NRG3: variants seen among roughly 807,000 people sequenced by gnomAD.
NRG3 encodes the protein pro-neuregulin-3, membrane-bound isoform.
In NRG3, 31 loss-of-function variants were observed where a neutral mutation model predicts 66.9. That is an observed-to-expected ratio of 0.46 (90% confidence interval 0.35 to 0.63). The LOEUF (loss-of-function observed/expected upper bound fraction) is 0.63. Among genes scored for constraint, NRG3 ranks in the 20% least tolerant of loss-of-function variants. NRG3 has a pLI of 0.00. For missense variants in NRG3, 910 were observed against 878.9 expected (o/e 1.04, Z -0.45); for synonymous variants, 393 against 359.4 (o/e 1.09, Z -1.06).
chr10:81,987,670 T>C (rs983629969), intron 1 of NRG3, among the ~76,000 whole-genome samples: 24 of 152,172 alleles, frequency 1.6e-4, no homozygotes, highest in Admixed American at 1.4e-3. Flanking sequence ...ACTGGTAAAA[T>C]GATATATGAG....
At chr10:82,925,287 A>T (rs529021093) in intron 4 of NRG3, among the ~76,000 whole-genome samples, 2 of 152,330 alleles carry the variant, frequency 1.3e-5, no homozygotes, top group African/African-American at 4.8e-5. Flanking sequence ...CAACAATGAC[A>T]TGTGGTGGTT....
intron 1 of NRG3, among the ~76,000 whole-genome samples, chr10:82,337,329 C>T (rs868225864): frequency 2.6e-5 from 4 of 152,188 alleles, no homozygotes; most frequent in African/African-American, 9.7e-5. Context: ...CTGTAGCATG[C>T]ATCAGTAAAT....
chr10:82,904,436 A>G (rs1311849945), intron 4 of NRG3, among the ~76,000 whole-genome samples: 1 of 152,176 alleles, frequency 6.6e-6, no homozygotes, highest in Non-Finnish European at 1.5e-5. Context: ...AAAATGAGAC[A>G]TGGAGGATGA....
intron 1 of NRG3, among the ~76,000 whole-genome samples, chr10:82,213,253 G>A (rs185725429): frequency 6.6e-6 from 1 of 152,242 alleles, no homozygotes; most frequent in East Asian, 1.9e-4. Flanking sequence ...ATAAAATACA[G>A]GTTGAACATC....
At chr10:82,883,228 G>A (rs1014942257) in intron 4 of NRG3, among the ~76,000 whole-genome samples, 5 of 151,742 alleles carry the variant, frequency 3.3e-5, no homozygotes, top group Middle Eastern at 3.4e-3. Context: ...CAAACACTAT[G>A]TATTTACAGG....
intron 2 of NRG3, among the ~76,000 whole-genome samples, chr10:82,714,582 G>C (rs1308038895): frequency 7.9e-5 from 12 of 151,984 alleles, no homozygotes; most frequent in Admixed American, 6.6e-5. Flanking sequence ...AATTACCTTT[G>C]GTTTTCCCTG....
chr10:82,064,796 A>G (rs187579925), intron 1 of NRG3, among the ~76,000 whole-genome samples: 53 of 152,272 alleles, frequency 3.5e-4, no homozygotes, highest in African/African-American at 1.1e-3. Flanking sequence ...CCTCTCCTGA[A>G]AGTTTGCTGA....
intron 2 of NRG3, among the ~76,000 whole-genome samples, chr10:82,513,159 A>G (rs1393543934): frequency 2.6e-5 from 4 of 152,144 alleles, no homozygotes; most frequent in Non-Finnish European, 4.4e-5. Context: ...CCCTATGTCC[A>G]TATGTTCTCA....
At chr10:82,895,781 G>A (rs113398575) in intron 4 of NRG3, among the ~76,000 whole-genome samples, 2,321 of 152,192 alleles carry the variant, frequency 0.015, 49 homozygotes, top group African/African-American at 0.048. Context: ...GTGAGCCACC[G>A]CGCCCTACCA....
At chr10:81,992,978 A>G (rs956059835) in intron 1 of NRG3, among the ~76,000 whole-genome samples, 13 of 152,176 alleles carry the variant, frequency 8.5e-5, no homozygotes, top group Non-Finnish European at 1.2e-4. Context: ...AAATTACTTT[A>G]TCATGTGTTT....
intron 2 of NRG3, among the ~76,000 whole-genome samples, chr10:82,491,272 C>T (rs1183816775): frequency 1.8e-5 from 1 of 55,730 alleles, no homozygotes; most frequent in African/African-American, 4.3e-5. Flanking sequence ...CCTCCTGATT[C>T]TGCCTATGCT....
In NRG3 at chr10:82,160,822, A is replaced by G. The variant is rs552321627; in HGVS notation, c.824-197917A>G. ...AACAAGTTCAGCATGTGATCTAAGT[A>G]CTGGCACATGAATGAACAGCAAGGC... On this transcript the variant is annotated intron_variant, in intron 1 of 8. Transcript: ENST00000372141. Among the ~76,000 whole-genome samples the G allele has an allele frequency of 4.6e-4, 70 of 152,176 alleles. 2 individuals carry two copies. The South Asian group carries it at 0.014, about 31-fold the overall frequency.
intron 1 of NRG3, among the ~76,000 whole-genome samples, chr10:82,285,396 C>T (rs2079362857): frequency 6.6e-6 from 1 of 152,080 alleles, no homozygotes; most frequent in African/African-American, 2.4e-5. Context: ...ATTGCACCAG[C>T]CATTAACCAA....
At chr10:82,540,014 T>C (rs1204358113) in intron 2 of NRG3, among the ~76,000 whole-genome samples, 1 of 152,210 alleles carries the variant, frequency 6.6e-6, no homozygotes, top group African/African-American at 2.4e-5. Flanking sequence ...AGAGAAACTT[T>C]GAAAACATCT....
At chr10:82,448,500 A>G (rs1487375289) in intron 2 of NRG3, among the ~76,000 whole-genome samples, 1 of 152,192 alleles carries the variant, frequency 6.6e-6, no homozygotes, top group Non-Finnish European at 1.5e-5. Context: ...TCAAGGGCTC[A>G]TATCTTATTA....
At chr10:81,974,264 T>C (rs1046599511) in intron 1 of NRG3, among the ~76,000 whole-genome samples, 2 of 152,124 alleles carry the variant, frequency 1.3e-5, no homozygotes, top group Admixed American at 6.6e-5. Flanking sequence ...TCCATTGATC[T>C]ATGTGTCTCT....
At chr10:82,160,291 G>A (rs892666256) in intron 1 of NRG3, among the ~76,000 whole-genome samples, 4 of 151,912 alleles carry the variant, frequency 2.6e-5, no homozygotes, top group African/African-American at 9.7e-5. Context: ...GTCTGCTAAT[G>A]GCTTGGCAGA....
At chr10:81,964,460 C>G (rs2059654631) in intron 1 of NRG3, among the ~76,000 whole-genome samples, 1 of 149,470 alleles carries the variant, frequency 6.7e-6, no homozygotes, top group East Asian at 2.0e-4. Flanking sequence ...ATAAAAACAT[C>G]TGCAACAAAT....
chr10:82,188,066 A>G (rs545775257), intron 1 of NRG3, among the ~76,000 whole-genome samples: 1 of 152,316 alleles, frequency 6.6e-6, no homozygotes, highest in East Asian at 1.9e-4. Flanking sequence ...AAATTATACT[A>G]CAGAGGTTTA....
Sources: gnomAD v4.1 joint callset for allele counts (sites outside exome capture counted in the v4.1 genomes callset) on GRCh38, gnomAD v4.1.1 for gene constraint, MANE v1.5 for transcripts, NCBI Gene and HGNC (gene_info 2026-07-23, HGNC 2026-07-21) for gene names.